LEKR1: variants seen among roughly 807,000 people sequenced by gnomAD.
LEKR1 encodes leucine, glutamate and lysine rich 1, also known as protein LEKR1.
In LEKR1, 59 loss-of-function variants were observed where a neutral mutation model predicts 72.4. The ratio of observed to expected loss-of-function variants is 0.82; its 90% CI spans 0.66 to 1.01. The LOEUF (loss-of-function observed/expected upper bound fraction) is 1.01. Ranked by LOEUF, LEKR1 falls within the 50% of genes least tolerant of loss-of-function variation. LEKR1 has a pLI of 0.00. For synonymous variants in LEKR1, 257 were observed against 263.2 expected (o/e 0.98, Z 0.23); for missense variants, 728 against 759.2 (o/e 0.96, Z 0.48).
At chr3:156,845,930 G>A (rs1243432832) in intron 2 of LEKR1, among the ~76,000 whole-genome samples, 1 of 151,988 alleles carries the variant, frequency 6.6e-6, no homozygotes, top group Non-Finnish European at 1.5e-5. Context: ...TTACTATTTT[G>A]AGTCTTCCAA....
At chr3:156,940,546 G>T (rs1289581655) in intron 5 of LEKR1, among the ~76,000 whole-genome samples, 4 of 152,242 alleles carry the variant, frequency 2.6e-5, no homozygotes, top group Non-Finnish European at 4.4e-5. Context: ...ATTGTATAAT[G>T]GCAAGGGTAG....
At chr3:157,011,036 G>A (rs1210649654) in intron 9 of LEKR1, among the ~76,000 whole-genome samples, 1 of 152,016 alleles carries the variant, frequency 6.6e-6, no homozygotes, top group Non-Finnish European at 1.5e-5. Context: ...ATTGTCTGGT[G>A]CTATTTTAGA....
intron 3 of LEKR1, among the ~76,000 whole-genome samples, chr3:156,911,890 G>A (rs1050070995): frequency 6.6e-6 from 1 of 152,012 alleles, no homozygotes; most frequent in Non-Finnish European, 1.5e-5. Context: ...GTACTATGCT[G>A]TTTTAGTTAC....
At chr3:157,010,737 TTC>T (rs1354425912) in intron 9 of LEKR1, among the ~76,000 whole-genome samples, 1 of 152,094 alleles carries the variant, frequency 6.6e-6, no homozygotes, top group African/African-American at 2.4e-5. Context: ...CCCTGTGAAA[TTC>T]TCTCTTTAAT....
chr3:156,883,367 A>C (rs1719692116), intron 3 of LEKR1, among the ~76,000 whole-genome samples: 1 of 152,200 alleles, frequency 6.6e-6, no homozygotes, highest in African/African-American at 2.4e-5. Flanking sequence ...ACCCTGTCTC[A>C]GATGAGACTT....
intron 3 of LEKR1, among the ~76,000 whole-genome samples, chr3:156,860,328 C>T (rs1234391659): frequency 2.0e-5 from 3 of 152,120 alleles, no homozygotes; most frequent in Non-Finnish European, 2.9e-5. Flanking sequence ...TTAAACATTT[C>T]CTCTTCAGTT....
intron 2 of LEKR1, among the ~76,000 whole-genome samples, chr3:156,845,550 T>C (rs1269070720): frequency 2.0e-5 from 3 of 151,166 alleles, no homozygotes; most frequent in Admixed American, 2.0e-4. Flanking sequence ...AAAAAAAAAA[T>C]GTATGGATAT....
intron 10 of LEKR1, among the ~76,000 whole-genome samples, chr3:157,014,708 A>G (rs1289525435): frequency 6.6e-6 from 1 of 152,298 alleles, no homozygotes; most frequent in East Asian, 1.9e-4. Context: ...TAAAATCTGA[A>G]AATTTTAGAT....
intron 3 of LEKR1, among the ~76,000 whole-genome samples, chr3:156,895,640 CAAAT>C (rs1315371018): frequency 2.6e-5 from 4 of 151,594 alleles, no homozygotes; most frequent in South Asian, 2.1e-4. Context: ...AAACAAAAAA[CAAAT>C]AAACACCACA....
At chr3:156,965,037 A>G (rs1385746814) in intron 6 of LEKR1, among the ~76,000 whole-genome samples, 1 of 152,138 alleles carries the variant, frequency 6.6e-6, no homozygotes, top group Non-Finnish European at 1.5e-5. Context: ...AAATCTCATT[A>G]TAACTTATAA....
intron 3 of LEKR1, among the ~76,000 whole-genome samples, chr3:156,878,160 T>A (rs1163415241): frequency 1.3e-5 from 2 of 152,130 alleles, no homozygotes; most frequent in African/African-American, 4.8e-5. Flanking sequence ...TCTTTTTTTC[T>A]GCTGGGTTTG....
At chr3:156,863,759 T>C (rs1393747368) in intron 3 of LEKR1, among the ~76,000 whole-genome samples, 2 of 152,140 alleles carry the variant, frequency 1.3e-5, no homozygotes, top group East Asian at 3.9e-4. Context: ...TCAGGTTAGT[T>C]GAAGAAACCA....
chr3:157,025,017 A>G, intron 11 of LEKR1, 93 bp downstream of exon 11: 3 of 820,968 alleles, frequency 3.7e-6, no homozygotes, highest in Non-Finnish European at 5.7e-6. Context: ...TTATAATTCC[A>G]GTAGCTTTCA....
chr3:156,878,895 G>A (rs1025121769), intron 3 of LEKR1, among the ~76,000 whole-genome samples: 2 of 151,994 alleles, frequency 1.3e-5, no homozygotes, highest in African/African-American at 4.8e-5. Flanking sequence ...CTTTCACTTG[G>A]CTCTCATTCT....
intron 10 of LEKR1, among the ~76,000 whole-genome samples, chr3:157,016,551 C>T (rs1733353578): frequency 6.6e-6 from 1 of 151,660 alleles, no homozygotes; most frequent in African/African-American, 2.4e-5. Flanking sequence ...AAATGTATTA[C>T]CAATAGACCC....
chr3:156,944,239 A>G (rs571779153), intron 6 of LEKR1, among the ~76,000 whole-genome samples: 2 of 151,698 alleles, frequency 1.3e-5, no homozygotes, highest in Non-Finnish European at 2.9e-5. Flanking sequence ...TATTTAAAAA[A>G]TCTAGTCAGC....
intron 6 of LEKR1, among the ~76,000 whole-genome samples, chr3:156,958,188 A>G (rs556983426): frequency 5.5e-4 from 84 of 152,244 alleles, no homozygotes; most frequent in South Asian, 5.4e-3. Flanking sequence ...ACAACCAACA[A>G]TCTTACTCAT....
intron 3 of LEKR1, among the ~76,000 whole-genome samples, chr3:156,875,166 C>G (rs1231890818): frequency 6.6e-6 from 1 of 152,168 alleles, no homozygotes; most frequent in African/African-American, 2.4e-5. Flanking sequence ...AAAAGTGATC[C>G]TTTTCACTAC....
intron 12 of LEKR1, among the ~76,000 whole-genome samples, chr3:157,036,875 T>C (rs1735004156): frequency 6.6e-6 from 1 of 152,124 alleles, no homozygotes. Context: ...CTTCTGTAAG[T>C]TTGGTGAAAA....
Sources: gnomAD v4.1 joint callset for allele counts (sites outside exome capture counted in the v4.1 genomes callset) on GRCh38, gnomAD v4.1.1 for gene constraint, MANE v1.5 for transcripts, NCBI Gene and HGNC (gene_info 2026-07-23, HGNC 2026-07-21) for gene names.